Variants in MUCL1 observed in about 807,000 individuals in gnomAD.
MUCL1 encodes mucin like 1, also known as mucin-like protein 1.
A neutral mutation model predicts 9.2 loss-of-function variants in MUCL1; 11 were observed. The observed-to-expected ratio is 1.19, with a 90% confidence interval of 0.75 to 1.97. MUCL1 has a LOEUF of 1.97. Ranked by LOEUF, MUCL1 falls within the 30% of genes most tolerant of loss-of-function variation. The pLI, the probability that MUCL1 is intolerant of heterozygous loss-of-function variation, is 0.00. For missense variants in MUCL1, 144 were observed against 110.9 expected (o/e 1.30, Z -1.34); for synonymous variants, 48 against 40.5 (o/e 1.19, Z -0.71).
upstream of MUCL1, among the ~76,000 whole-genome samples, chr12:54,851,761 C>T (rs1031211220): frequency 3.9e-5 from 6 of 152,274 alleles, no homozygotes; most frequent in African/African-American, 1.4e-4. Context: ...TAGAAAACCC[C>T]ATCGTCTCAG....
At chr12:54,852,194 G>A (rs1401158594), upstream of MUCL1, among the ~76,000 whole-genome samples, 4 of 152,166 alleles carry the variant, frequency 2.6e-5, no homozygotes, top group Non-Finnish European at 4.4e-5. Flanking sequence ...AGCCCACATT[G>A]CCAAGTCAAT....
chr12:54,858,084 TG>T, intron 3 of MUCL1, 108 bp from the exon 4 acceptor site: 1 of 1,303,522 alleles, frequency 7.7e-7, no homozygotes, highest in Non-Finnish European at 1.1e-6. Context: ...TCGAATCCCC[TG>T]AGTTTAGTTG....
At chr12:54,853,257 T>G (rs1167948993), upstream of MUCL1, among the ~76,000 whole-genome samples, 2 of 152,214 alleles carry the variant, frequency 1.3e-5, no homozygotes, top group African/African-American at 4.8e-5. Context: ...TCCCTATGAT[T>G]CTGGGTATTC....
intron 1 of MUCL1, among the ~76,000 whole-genome samples, chr12:54,832,309 G>A (rs1347291140): frequency 1.3e-5 from 2 of 152,008 alleles, no homozygotes; most frequent in African/African-American, 4.8e-5. Flanking sequence ...ATTTTGGGTG[G>A]GGGGATTATT....
upstream of MUCL1, among the ~76,000 whole-genome samples, chr12:54,853,579 C>T (rs554070911): frequency 6.6e-6 from 1 of 152,292 alleles, no homozygotes; most frequent in South Asian, 2.1e-4. Context: ...CAAATATCAC[C>T]TATTCAGTAA....
intron 1 of MUCL1, among the ~76,000 whole-genome samples, chr12:54,848,231 T>A (rs1480328105): frequency 1.3e-5 from 2 of 152,062 alleles, no homozygotes; most frequent in Non-Finnish European, 2.9e-5. Context: ...CCTGAAGACC[T>A]CTCTTCAGGT....
chr12:54,851,970 A>G (rs1179327565), upstream of MUCL1, among the ~76,000 whole-genome samples: 2 of 152,336 alleles, frequency 1.3e-5, no homozygotes, highest in Non-Finnish European at 2.9e-5. Context: ...GACCTCTCCA[A>G]AGAGAACTAC....
At chr12:54,857,388 ATTATT>A (rs1323212155) in intron 3 of MUCL1, among the ~76,000 whole-genome samples, 2 of 152,014 alleles carry the variant, frequency 1.3e-5, no homozygotes, top group African/African-American at 2.4e-5. Context: ...CTTGAGGCAG[ATTATT>A]TTGAGTGCCA....
upstream of MUCL1, among the ~76,000 whole-genome samples, chr12:54,851,953 T>C (rs997017684): frequency 8.5e-5 from 13 of 152,196 alleles, no homozygotes; most frequent in Admixed American, 2.0e-4. Context: ...TTACAAGGGA[T>C]GTGAAGGACC....
intron 1 of MUCL1, among the ~76,000 whole-genome samples, chr12:54,840,763 G>A (rs1218607937): frequency 6.6e-6 from 1 of 152,148 alleles, no homozygotes; most frequent in Non-Finnish European, 1.5e-5. Context: ...GAGCACAGCT[G>A]CCTCTGCCAC....
At chr12:54,857,733 C>G (rs898414331) in intron 3 of MUCL1, among the ~76,000 whole-genome samples, 11 of 152,068 alleles carry the variant, frequency 7.2e-5, no homozygotes, top group African/African-American at 2.4e-4. Flanking sequence ...TTTGAGCACA[C>G]GGGCAGAAAG....
chr12:54,851,819 T>C (rs1178286521), upstream of MUCL1, among the ~76,000 whole-genome samples: 2 of 152,142 alleles, frequency 1.3e-5, no homozygotes, highest in Non-Finnish European at 2.9e-5. Context: ...AGTCTCAGGA[T>C]ACAAAAATCA....
chr12:54,854,403 T>C, upstream of MUCL1: 1 of 567,262 alleles, frequency 1.8e-6, no homozygotes, highest in South Asian at 2.4e-5. Context: ...TTGTTGATTC[T>C]CCAGTGGTTT....
At chr12:54,841,413 C>T (rs1340628963) in intron 1 of MUCL1, among the ~76,000 whole-genome samples, 1 of 152,054 alleles carries the variant, frequency 6.6e-6, no homozygotes, top group East Asian at 1.9e-4. Flanking sequence ...TTTGAGAAAC[C>T]TCCATACAGT....
chr12:54,845,980 G>C (rs1959247946), intron 1 of MUCL1, among the ~76,000 whole-genome samples: 1 of 151,918 alleles, frequency 6.6e-6, no homozygotes, highest in Non-Finnish European at 1.5e-5. Context: ...CATCTCTTTT[G>C]TTTCCTTTAT....
At chr12:54,852,669 G>A (rs1461693755), upstream of MUCL1, among the ~76,000 whole-genome samples, 1 of 152,092 alleles carries the variant, frequency 6.6e-6, no homozygotes, top group Non-Finnish European at 1.5e-5. Flanking sequence ...AGTCTGTGTG[G>A]TGGGTCTCTG....
At position 54,855,618 on chromosome 12, in the gene MUCL1, C is replaced by T. The variant is rs1868292943; in HGVS notation, c.100+461C>T. On this transcript the variant is annotated intron_variant, in intron 2 of 3. Coordinates refer to ENST00000308796, the MANE Select transcript of MUCL1 (RefSeq NM_058173.3). ...GTGGAGTGCAGGGGTCAGTTCTAAG[C>T]TTTACTCTTTGTAATGGTCTATATT... 3.6e-5 allele frequency: 6 copies of T among 168,590 alleles called. No homozygotes were observed. The South Asian group carries it at 8.9e-4, about 25-fold the overall frequency. 10.4% of individuals were successfully genotyped at this position (168,590 alleles called of 1,614,324 possible).
At chr12:54,855,544 A>G (rs986202544) in intron 2 of MUCL1, 1 of 214,244 alleles carries the variant, frequency 4.7e-6, no homozygotes, top group Non-Finnish European at 9.6e-6. Flanking sequence ...ATTTGAAGTG[A>G]TATGAAAATA....
At chr12:54,848,801 T>C (rs78196191) in intron 1 of MUCL1, among the ~76,000 whole-genome samples, 1,541 of 152,310 alleles carry the variant, frequency 0.01, 28 homozygotes, top group African/African-American at 0.035. Context: ...AAATATGCTC[T>C]GATATTTGTT....
Sources: gnomAD v4.1 joint callset for allele counts (sites outside exome capture counted in the v4.1 genomes callset) on GRCh38, gnomAD v4.1.1 for gene constraint, MANE v1.5 for transcripts, NCBI Gene and HGNC (gene_info 2026-07-23, HGNC 2026-07-21) for gene names.